COL25A1: variants seen among roughly 807,000 people sequenced by gnomAD.
COL25A1 encodes the protein collagen alpha-1(XXV) chain.
Under a neutral mutation model 128.4 loss-of-function variants are expected in COL25A1, and 103 were observed. The ratio of observed to expected loss-of-function variants is 0.80; its 90% CI spans 0.68 to 0.94. The LOEUF (loss-of-function observed/expected upper bound fraction) is 0.94. COL25A1 is among the 40% of genes least tolerant of loss of function. The pLI is 0.00. For synonymous variants in COL25A1, 279 were observed against 277.2 expected (o/e 1.01, Z -0.06); for missense variants, 745 against 840.0 (o/e 0.89, Z 1.40).
chr4:109,282,110 T>C (rs1192854826), intron 3 of COL25A1, among the ~76,000 whole-genome samples: 3 of 152,234 alleles, frequency 2.0e-5, no homozygotes, highest in African/African-American at 7.2e-5. Context: ...AATTATATTT[T>C]TGCTTCAAAT....
At chr4:108,872,507 G>A (rs748950951) in intron 19 of COL25A1, among the ~76,000 whole-genome samples, 2 of 152,146 alleles carry the variant, frequency 1.3e-5, no homozygotes, top group Admixed American at 6.6e-5. Flanking sequence ...TGGGGTTTAG[G>A]ATAGTAGCTA....
intron 37 of COL25A1, among the ~76,000 whole-genome samples, chr4:108,815,443 G>A (rs1193402546): frequency 3.3e-5 from 5 of 152,096 alleles, no homozygotes; most frequent in Admixed American, 1.3e-4. Context: ...ATTTGAGAAC[G>A]TTTTCATTTT....
At chr4:109,043,725 T>A (rs765535725) in intron 5 of COL25A1, among the ~76,000 whole-genome samples, 71 of 152,102 alleles carry the variant, frequency 4.7e-4, no homozygotes, top group African/African-American at 1.5e-3. Flanking sequence ...CTGAAAAGGA[T>A]CAAAACTATG....
chr4:109,275,774 T>A (rs1363946130), intron 3 of COL25A1, among the ~76,000 whole-genome samples: 1 of 152,186 alleles, frequency 6.6e-6, no homozygotes, highest in Non-Finnish European at 1.5e-5. Flanking sequence ...TCTGTAAAGT[T>A]TTTTTTAGAA....
chr4:108,899,284 A>C lies in COL25A1; in HGVS notation c.835-104T>G, dbSNP rs1560826891. 7.7e-6 allele frequency: 8 copies of C among 1,043,416 alleles called. No homozygotes were observed. In the East Asian group the frequency reaches 2.1e-4, roughly 27 times the overall value. The allele number at this position is 1,043,416 out of a possible 1,614,324, so 64.6% of individuals were successfully genotyped here. ...ATTGAACTTACTAGGTAAATTATGCATGACATTTTCTATTTTGGCTACATG... is the reference window on the plus strand; with the variant it reads ...ATTGAACTTACTAGGTAAATTATGCCTGACATTTTCTATTTTGGCTACATG... On this transcript the variant is annotated intron_variant, in intron 14 of 37. Coordinates refer to ENST00000399132, the MANE Select transcript of COL25A1 (RefSeq NM_198721.4).
At chr4:108,931,351 A>G (rs1487018893) in intron 11 of COL25A1, among the ~76,000 whole-genome samples, 4 of 152,156 alleles carry the variant, frequency 2.6e-5, no homozygotes, top group African/African-American at 9.6e-5. Flanking sequence ...TGTCCAAATG[A>G]TAGAGCTTAT....
chr4:109,197,341 T>TTA (rs1303724677), intron 3 of COL25A1, among the ~76,000 whole-genome samples: 2 of 131,556 alleles, frequency 1.5e-5, no homozygotes, highest in African/African-American at 2.9e-5. Flanking sequence ...TATATATATA[T>TTA]TATATATATA....
chr4:109,302,023 G>C lies in COL25A1; in HGVS notation c.-4C>G, dbSNP rs780078525. The stretch of plus-strand genomic sequence containing the variant: ...CTGCGTGCTTCTTCAGCAGCATCGT[G>C]GCGGGGTCGGCCGTCTCGGCTTCGC... On this transcript the variant is annotated 5_prime_UTR_variant, in exon 2 of 38. Coordinates refer to ENST00000399132, the MANE Select transcript of COL25A1 (RefSeq NM_198721.4). The C allele has an allele frequency of 1.9e-6, 3 of 1,576,990 alleles. No individual in the cohort carries two copies. Among genetic ancestry groups the C allele is most frequent in the Non-Finnish European group, 2.6e-6 (3 of 1,165,182 alleles).
intron 29 of COL25A1, 31 bp from the exon 30 acceptor site, chr4:108,844,600 G>A: frequency 6.2e-7 from 1 of 1,602,386 alleles, no homozygotes; most frequent in Non-Finnish European, 8.5e-7. Flanking sequence ...AATGTATTTG[G>A]TTACTTCATT....
Position 109,010,341 on chromosome 4 carries a change from G to C in COL25A1, c.438+17C>G. On this transcript the variant is annotated intron_variant, in intron 6 of 37. Transcript: ENST00000399132. The stretch of plus-strand genomic sequence containing the variant: ...ATCCTAAATTGAAAATAATTTGCTA[G>C]AAAAGAATTACCTTACCTGAGGACC... The C allele has an allele frequency of 6.4e-7, 1 of 1,566,540 alleles. No individual in the cohort carries two copies. Among genetic ancestry groups the C allele is most frequent in the Middle Eastern group, 1.9e-4 (1 of 5,250 alleles).
At chr4:108,971,169 T>C (rs1309266052) in intron 8 of COL25A1, among the ~76,000 whole-genome samples, 2 of 152,156 alleles carry the variant, frequency 1.3e-5, no homozygotes, top group East Asian at 3.9e-4. Context: ...GGTATATCTA[T>C]TTGAGGGATA....
intron 15 of COL25A1, among the ~76,000 whole-genome samples, chr4:108,898,938 T>C (rs2125860934): frequency 1.3e-5 from 2 of 152,236 alleles, no homozygotes; most frequent in Middle Eastern, 6.8e-3. Flanking sequence ...ATTTCCTCCT[T>C]CCACTAATTA....
At chr4:108,814,309 CT>C (rs1731046742) in intron 37 of COL25A1, among the ~76,000 whole-genome samples, 1 of 105,086 alleles carries the variant, frequency 9.5e-6, no homozygotes, top group Non-Finnish European at 2.5e-5. Context: ...CCTACATAAT[CT>C]TCTGCACGCA....
chr4:109,018,482 C>T (rs1322261042), intron 5 of COL25A1, among the ~76,000 whole-genome samples: 10 of 152,132 alleles, frequency 6.6e-5, no homozygotes, highest in Admixed American at 3.9e-4. Flanking sequence ...CTTCAGCCTC[C>T]CAAAGTGCTG....
intron 3 of COL25A1, among the ~76,000 whole-genome samples, chr4:109,067,581 G>A (rs561034943): frequency 1.3e-5 from 2 of 152,320 alleles, no homozygotes; most frequent in East Asian, 3.9e-4. Context: ...AGGATATCAG[G>A]AAGCACAGTG....
At chr4:109,016,287 C>T (rs1238974757) in intron 5 of COL25A1, among the ~76,000 whole-genome samples, 1 of 152,240 alleles carries the variant, frequency 6.6e-6, no homozygotes, top group African/African-American at 2.4e-5. Context: ...GCTGCCTCAG[C>T]CCCCTCCAGA....
At chr4:108,862,746 T>C (rs1737411146) in intron 21 of COL25A1, among the ~76,000 whole-genome samples, 1 of 152,202 alleles carries the variant, frequency 6.6e-6, no homozygotes, top group African/African-American at 2.4e-5. Context: ...ATTCATTCCA[T>C]TATTATTTTG....
In COL25A1 at chr4:109,130,272, T is replaced by A. The variant is rs1769057053; in HGVS notation, c.368-80093A>T. Reference sequence around the variant, plus strand: ...TGTTTATTTGCATAATATTATATAGTGCTCTACATTATAACAGACAGTAAA... The same window carrying A: ...TGTTTATTTGCATAATATTATATAGAGCTCTACATTATAACAGACAGTAAA... On this transcript the variant is annotated intron_variant, in intron 3 of 37. Transcript: ENST00000399132. Among the ~76,000 whole-genome samples the A allele has an allele frequency of 2.6e-5, 4 of 152,200 alleles. No homozygotes were observed. The South Asian group carries it at 8.3e-4, about 31-fold the overall frequency.
chr4:108,877,642 C>CA (rs1739611113), intron 19 of COL25A1, among the ~76,000 whole-genome samples: 1 of 149,558 alleles, frequency 6.7e-6, no homozygotes, highest in Admixed American at 6.6e-5. Flanking sequence ...GTCTTCTGGC[C>CA]AAAAAACAAA....
Sources: gnomAD v4.1 joint callset for allele counts (sites outside exome capture counted in the v4.1 genomes callset) on GRCh38, gnomAD v4.1.1 for gene constraint, MANE v1.5 for transcripts, NCBI Gene and HGNC (gene_info 2026-07-23, HGNC 2026-07-21) for gene names.